The following MYO3B variants were observed in gnomAD, a reference collection of about 807,000 sequenced individuals.
MYO3B encodes the protein myosin-IIIb.
In MYO3B, 156 loss-of-function variants were observed where a neutral mutation model predicts 174.6. The observed-to-expected ratio is 0.89, with a 90% CI of 0.78 to 1.02. The LOEUF (loss-of-function observed/expected upper bound fraction) is 1.02. Ranked by LOEUF, MYO3B falls within the 50% of genes least tolerant of loss-of-function variation. MYO3B has a pLI of 0.00. For synonymous variants in MYO3B, 563 were observed against 569.1 expected, an observed-to-expected ratio of 0.99 and a Z score of 0.15; for missense variants, 1,632 against 1,639.4, an observed-to-expected ratio of 1.00 and a Z score of 0.08.
chr2:170,534,339 T>C (rs1351796216), intron 30 of MYO3B, among the ~76,000 whole-genome samples: 1 of 152,248 alleles, frequency 6.6e-6, no homozygotes, highest in Non-Finnish European at 1.5e-5. Flanking sequence ...TGACTCACTT[T>C]ATTGTGATAT....
intron 30 of MYO3B, among the ~76,000 whole-genome samples, chr2:170,526,469 A>G (rs1412450836): frequency 6.6e-6 from 1 of 152,196 alleles, no homozygotes; most frequent in Non-Finnish European, 1.5e-5. Flanking sequence ...CACCTTAGAA[A>G]CTTTGAACAA....
chr2:170,269,087 G>A (rs1267326338), intron 7 of MYO3B, among the ~76,000 whole-genome samples: 3 of 152,342 alleles, frequency 2.0e-5, no homozygotes, highest in South Asian at 2.1e-4. Context: ...CTGTGAATCT[G>A]CTTTTGCTCA....
chr2:170,238,566 C>T (rs34375966), intron 7 of MYO3B, among the ~76,000 whole-genome samples: 44,625 of 152,106 alleles, frequency 0.29, 7,308 homozygotes, highest in Non-Finnish European at 0.38. Context: ...CGTGTGGCTT[C>T]TTCCTCTGGC....
chr2:170,393,084 C>CTTTTT (rs11427527), intron 16 of MYO3B, among the ~76,000 whole-genome samples: 1 of 133,690 alleles, frequency 7.5e-6, no homozygotes, highest in Non-Finnish European at 1.6e-5. Flanking sequence ...TACTGTACTA[C>CTTTTT]TTTTTTTTTT....
At chr2:170,295,109 T>C (rs962339042) in intron 7 of MYO3B, among the ~76,000 whole-genome samples, 1 of 152,050 alleles carries the variant, frequency 6.6e-6, no homozygotes, top group South Asian at 2.1e-4. Context: ...ACTAAATTTT[T>C]GTTAGTATTT....
chr2:170,427,579 A>G (rs996482334), intron 22 of MYO3B, among the ~76,000 whole-genome samples: 2 of 152,282 alleles, frequency 1.3e-5, no homozygotes, highest in Admixed American at 6.5e-5. Flanking sequence ...TAGTTTAGAT[A>G]TGAGTAATGC....
chr2:170,266,449 T>A (rs2093384115), intron 7 of MYO3B, among the ~76,000 whole-genome samples: 1 of 152,240 alleles, frequency 6.6e-6, no homozygotes, highest in Admixed American at 6.5e-5. Context: ...GGATATCTAC[T>A]AGAAATTATA....
Position 170,402,961 on chromosome 2 carries a change from A to G in MYO3B, c.2243A>G (p.Tyr748Cys), listed in dbSNP as rs755693668. Residue 748 changes from tyrosine (Y) to cysteine (C), a missense_variant, in exon 19 of 35, where the codon TAC (tyrosine) becomes TGC (cysteine). By Grantham distance (194) the Tyr-to-Cys change is radical (BLOSUM62 -2). Transcript: ENST00000408978. The stretch of plus-strand genomic sequence containing the variant: ...AACATCGCCAATGAGCAAATCCAGT[A>G]CTATTTCAATCAGCATGTTTTTGCT... ...CINIANEQIQ[Y>C]YFNQHVFALE... 3.7e-6 allele frequency: 6 copies of G among 1,607,282 alleles called. No homozygotes were observed. The African/African-American group carries it at 8.0e-5, about 21-fold the overall frequency.
chr2:170,613,298 G>C (rs559255060), intron 32 of MYO3B, among the ~76,000 whole-genome samples: 1 of 152,168 alleles, frequency 6.6e-6, no homozygotes, highest in African/African-American at 2.4e-5. Context: ...TGCAATCCAA[G>C]TTCACACTGG....
intron 32 of MYO3B, among the ~76,000 whole-genome samples, chr2:170,583,347 T>C (rs1344024615): frequency 6.6e-6 from 1 of 152,164 alleles, no homozygotes; most frequent in Non-Finnish European, 1.5e-5. Context: ...GAGCCTTGCC[T>C]GCAGGCCTCG....
At chr2:170,564,955 AG>A (rs59193873) in intron 32 of MYO3B, among the ~76,000 whole-genome samples, 26,094 of 151,960 alleles carry the variant, frequency 0.17, 3,152 homozygotes, top group African/African-American at 0.33. Context: ...CCCACTAAAT[AG>A]TAAAATTTAT....
At chr2:170,565,729 A>G (rs1692029056) in intron 32 of MYO3B, among the ~76,000 whole-genome samples, 1 of 152,164 alleles carries the variant, frequency 6.6e-6, no homozygotes, top group Non-Finnish European at 1.5e-5. Context: ...TCTCCAAGTG[A>G]GAGTAGAGAA....
chr2:170,190,305 C>A (rs1325817524), intron 1 of MYO3B, among the ~76,000 whole-genome samples: 2 of 152,182 alleles, frequency 1.3e-5, no homozygotes, highest in African/African-American at 2.4e-5. Context: ...GACCTGAAGC[C>A]AGCACAGTAC....
chr2:170,358,699 A>G (rs80114633), intron 8 of MYO3B, among the ~76,000 whole-genome samples: 13,098 of 152,284 alleles, frequency 0.086, 592 homozygotes, highest in Middle Eastern at 0.13. Context: ...AATGCCAGCT[A>G]TGCACATTAT....
chr2:170,490,519 C>A (rs1042081282), intron 25 of MYO3B, among the ~76,000 whole-genome samples: 2 of 150,000 alleles, frequency 1.3e-5, no homozygotes, highest in African/African-American at 5.1e-5. Flanking sequence ...GCCCTTCAAA[C>A]ATGGATGTTA....
At chr2:170,391,109 C>T (rs775470028) in intron 14 of MYO3B, among the ~76,000 whole-genome samples, 3 of 152,114 alleles carry the variant, frequency 2.0e-5, no homozygotes, top group African/African-American at 4.8e-5. Context: ...CCCTAACCTG[C>T]TGTGAGACTT....
intron 8 of MYO3B, chr2:170,350,915 G>A (rs2094061725): frequency 6.6e-6 from 1 of 152,038 alleles, no homozygotes; most frequent in African/African-American, 2.4e-5. Flanking sequence ...TTCTGTAAAG[G>A]TGATGCCTTA....
rs1365331800 is a variant in MYO3B, at chr2:170,514,802, G to A, written c.3371-119G>A. ...GTTCATAAGTGAGATTAGTCACCTTGGTGCCTTGAACCGTAAGAAAAGTGT... is the reference window on the plus strand; with the variant it reads ...GTTCATAAGTGAGATTAGTCACCTTAGTGCCTTGAACCGTAAGAAAAGTGT... On this transcript the variant is annotated intron_variant, in intron 28 of 34. Transcript: ENST00000408978. 3 of 730,182 alleles carry A rather than the reference G, an allele frequency of 4.1e-6. No individual in the cohort carries two copies. The African/African-American group carries it at 5.3e-5, about 13-fold the overall frequency. 45.2% of individuals were successfully genotyped at this position (730,182 alleles called of 1,614,324 possible).
chr2:170,535,563 T>G (rs576668067), intron 30 of MYO3B, among the ~76,000 whole-genome samples: 120 of 152,332 alleles, frequency 7.9e-4, no homozygotes, highest in African/African-American at 2.6e-3. Context: ...AACAAAATTA[T>G]GCTGAGGCTG....
Sources: allele counts gnomAD v4.1 joint callset (sites outside exome capture counted in the v4.1 genomes callset), GRCh38; gene constraint gnomAD v4.1.1; transcripts MANE v1.5; gene names NCBI Gene and HGNC (gene_info 2026-07-23, HGNC 2026-07-21).